BASP1: variants seen among roughly 807,000 people sequenced by gnomAD.
BASP1 encodes brain abundant membrane attached signal protein 1.
In BASP1, 1 loss-of-function variant was observed where a neutral mutation model predicts 2.2. The observed-to-expected ratio is 0.46, with a 90% CI of 0.16 to 2.17. The LOEUF (loss-of-function observed/expected upper bound fraction) is 2.17. Ranked by LOEUF, BASP1 falls within the 30% of genes most tolerant of loss-of-function variation. The pLI, the probability that BASP1 is intolerant of heterozygous loss-of-function variation, is 0.27. For synonymous variants in BASP1, 187 were observed against 154.2 expected (o/e 1.21, Z -1.58); for missense variants, 352 against 327.2 (o/e 1.08, Z -0.58).
chr5:17,249,253 G>A (rs2126506202), intron 1 of BASP1, among the ~76,000 whole-genome samples: 1 of 152,198 alleles, frequency 6.6e-6, no homozygotes, highest in South Asian at 2.1e-4. Flanking sequence ...GTAAATGTGA[G>A]TCTTCCTGCA....
chr5:17,218,120 G>A (rs1739303055), intron 1 of BASP1, among the ~76,000 whole-genome samples: 1 of 152,136 alleles, frequency 6.6e-6, no homozygotes, highest in African/African-American at 2.4e-5. Flanking sequence ...GGAGCTGCGG[G>A]TGACGGGAGG....
At chr5:17,271,306 G>A (rs963515403) in intron 1 of BASP1, among the ~76,000 whole-genome samples, 1 of 152,138 alleles carries the variant, frequency 6.6e-6, no homozygotes, top group Non-Finnish European at 1.5e-5. Context: ...AATTTTTGTA[G>A]AGACGGGGTT....
chr5:17,275,571 G>GC lies in BASP1; in HGVS notation c.360dup (p.Lys121GlnfsTer4). The GC allele has an allele frequency of 7.2e-7, 1 of 1,379,520 alleles. No individual in the cohort carries two copies. Among genetic ancestry groups the GC allele is most frequent in the Non-Finnish European group, 9.3e-7 (1 of 1,070,076 alleles). The allele number at this position is 1,379,520 out of a possible 1,614,324, so 85.5% of individuals were successfully genotyped here. A position where few individuals can be genotyped will look rare whatever the true frequency, so the allele number is the denominator to read the frequency against. ...CCCCGGCCCCGCTGCGGGCGGCGAG[G>GC]CCCCCAAAGCTGCTGAGGCCGCCGC... is the stretch of plus-strand genomic sequence containing the variant. On this transcript the variant is annotated frameshift_variant, in exon 2 of 2. Coordinates refer to ENST00000322611, the MANE Select transcript of BASP1 (RefSeq NM_006317.5). LOFTEE classifies it low-confidence loss of function (END_TRUNC). This position sits in a 1 kb window ranked among gnomAD's most constrained non-coding sequence, Gnocchi z 5.3.
intron 1 of BASP1, among the ~76,000 whole-genome samples, chr5:17,245,175 A>C (rs1739951802): frequency 6.6e-6 from 1 of 151,364 alleles, no homozygotes; most frequent in South Asian, 2.1e-4. Context: ...GGTGGTGTGC[A>C]TCTGTAATCC....
intron 1 of BASP1, among the ~76,000 whole-genome samples, chr5:17,239,428 A>C (rs1739815623): frequency 6.6e-6 from 1 of 152,204 alleles, no homozygotes; most frequent in South Asian, 2.1e-4. Flanking sequence ...GCAAATGTGG[A>C]AATTCTCCCT....
At chr5:17,246,197 C>T (rs1739983842) in intron 1 of BASP1, among the ~76,000 whole-genome samples, 1 of 151,946 alleles carries the variant, frequency 6.6e-6, no homozygotes, top group Non-Finnish European at 1.5e-5. Flanking sequence ...AAATAAAAGA[C>T]CTGGCCGGGC....
rs776126689 is a variant in BASP1 at position 17,275,876 on chromosome 5, C to T, written c.660C>T (p.Asp220=). Residue 220 remains aspartate (D), a synonymous_variant, in exon 2 of 2, where the codon GAC becomes GAT. Transcript: ENST00000322611. This position sits in a 1 kb window ranked among gnomAD's most constrained non-coding sequence, Gnocchi z 5.3. ...TGGAGGCCCCGGCAGCTAATTCCGACCAAACCGTAACCGTGAAAGAGTGAC... is the reference window on the plus strand; with the variant it reads ...TGGAGGCCCCGGCAGCTAATTCCGATCAAACCGTAACCGTGAAAGAGTGAC... ...KPVEAPAANS[D]QTVTVKE is the part of the protein sequence containing the mutation. 3.1e-6 allele frequency: 5 copies of T among 1,597,276 alleles called. No homozygotes were observed. Among genetic ancestry groups the T allele is most frequent in the Admixed American group, 1.8e-5 (1 of 56,470 alleles).
intron 1 of BASP1, among the ~76,000 whole-genome samples, chr5:17,242,581 A>G (rs1739889204): frequency 6.6e-6 from 1 of 152,228 alleles, no homozygotes; most frequent in Admixed American, 6.5e-5. Context: ...AATGACACGT[A>G]TCTCCAATTA....
rs1359296745 is a variant in BASP1 at position 17,260,664 on chromosome 5, T to C, written c.-9-14544T>C. On this transcript the variant is annotated intron_variant, in intron 1 of 1. Transcript: ENST00000322611. This position sits in a 1 kb window ranked among gnomAD's most constrained non-coding sequence, Gnocchi z 4.2. ...AGTCAGGGACTCTTCCATCTTACAG[T>C]TCATAATTTGCAAATTAGATGTTCC... is the stretch of plus-strand genomic sequence containing the variant. Among the ~76,000 whole-genome samples, 1 of 152,218 alleles carries C rather than the reference T, an allele frequency of 6.6e-6. No homozygotes were observed. Among genetic ancestry groups the C allele is most frequent in the Non-Finnish European group, 1.5e-5 (1 of 68,034 alleles).
chr5:17,241,976 A>G (rs1209652952), intron 1 of BASP1, among the ~76,000 whole-genome samples: 2 of 152,184 alleles, frequency 1.3e-5, no homozygotes, highest in African/African-American at 2.4e-5. Flanking sequence ...CTGTGTCTCT[A>G]CAAAATGCGA....
intron 1 of BASP1, among the ~76,000 whole-genome samples, chr5:17,255,467 T>C (rs1429362083): frequency 2.0e-5 from 3 of 152,206 alleles, no homozygotes; most frequent in South Asian, 2.1e-4. Context: ...TTATTCTGTA[T>C]TTTCCTTAAC....
At chr5:17,243,047 A>C (rs1739899708) in intron 1 of BASP1, among the ~76,000 whole-genome samples, 1 of 152,112 alleles carries the variant, frequency 6.6e-6, no homozygotes, top group Non-Finnish European at 1.5e-5. Flanking sequence ...AGGGAAATGG[A>C]ACATTCTGGA....
chr5:17,220,967 G>A (rs1256279737), intron 1 of BASP1, among the ~76,000 whole-genome samples: 1 of 152,038 alleles, frequency 6.6e-6, no homozygotes, highest in Non-Finnish European at 1.5e-5. Flanking sequence ...TGTAAAAATT[G>A]CAAAATCCAC....
chr5:17,223,529 T>A (rs1739431565), intron 1 of BASP1, among the ~76,000 whole-genome samples: 3 of 152,212 alleles, frequency 2.0e-5, no homozygotes. Flanking sequence ...AGAAAACTCC[T>A]CCAGGTGTGG....
chr5:17,239,317 T>A (rs1186310953), intron 1 of BASP1, among the ~76,000 whole-genome samples: 2 of 152,066 alleles, frequency 1.3e-5, no homozygotes, highest in Non-Finnish European at 2.9e-5. Context: ...ATGGTCTCGA[T>A]CTCCTGACCT....
intron 1 of BASP1, among the ~76,000 whole-genome samples, chr5:17,274,418 A>T (rs1359337449): frequency 6.6e-6 from 1 of 152,070 alleles, no homozygotes; most frequent in Non-Finnish European, 1.5e-5. Flanking sequence ...TAGCAGAGAG[A>T]GTTTGTAGTT....
intron 1 of BASP1, among the ~76,000 whole-genome samples, chr5:17,255,557 G>A (rs58228979): frequency 0.024 from 3,659 of 152,196 alleles, 148 homozygotes; most frequent in African/African-American, 0.084. Context: ...GCCCCACGTT[G>A]GATGCCTGGT....
chr5:17,248,566 G>T (rs1373670597), intron 1 of BASP1, among the ~76,000 whole-genome samples: 1 of 152,084 alleles, frequency 6.6e-6, no homozygotes. Flanking sequence ...CATTACATTA[G>T]ACGGTTCAAT....
intron 1 of BASP1, among the ~76,000 whole-genome samples, chr5:17,243,946 C>T (rs79155441): frequency 0.029 from 4,386 of 152,242 alleles, 101 homozygotes; most frequent in Admixed American, 0.06. Context: ...CAATAAGTCA[C>T]GGGTACTATG....
Sources: gnomAD v4.1 joint callset for allele counts (sites outside exome capture counted in the v4.1 genomes callset) on GRCh38, gnomAD v4.1.1 for gene constraint, Gnocchi (gnomAD v3.1) non-coding constraint, MANE v1.5 for transcripts, NCBI Gene and HGNC (gene_info 2026-07-23, HGNC 2026-07-21) for gene names.